Variants in TTC39B observed in about 807,000 individuals in gnomAD.
The protein encoded by TTC39B is tetratricopeptide repeat domain 39B.
TTC39B carries 92 observed loss-of-function variants against 96.6 expected under a neutral mutation model. That is an observed-to-expected ratio of 0.95 (90% CI 0.80 to 1.13). The LOEUF is 1.13. Among genes scored for constraint, TTC39B ranks in the 50% most tolerant of loss-of-function variants. The pLI is 0.00. For synonymous variants in TTC39B, 367 were observed against 299.4 expected (o/e 1.23, Z -2.33); for missense variants, 955 against 809.3 (o/e 1.18, Z -2.18).
intron 1 of TTC39B, among the ~76,000 whole-genome samples, chr9:15,285,784 G>A (rs1231385854): frequency 2.0e-5 from 3 of 152,116 alleles, no homozygotes; most frequent in Non-Finnish European, 2.9e-5. Flanking sequence ...GAACCCGGGA[G>A]GCGGAGCTTG....
In TTC39B at chr9:15,194,687, C is replaced by T. The variant is rs1178018992; in HGVS notation, c.825-1992G>A. On this transcript the variant is annotated intron_variant, in intron 8 of 19. Transcript: ENST00000512701. ...TTCAGGGTCACATTTCAGTAATTCT[C>T]ATAAAATTTCCAAACTTTTTAGTTA... 3.3e-5 allele frequency among the ~76,000 whole-genome samples: 5 copies of T among 152,214 alleles called. No homozygotes were observed. The East Asian group carries it at 9.6e-4, about 29-fold the overall frequency.
In TTC39B at chr9:15,194,965, C is replaced by T. The variant is rs140232546; in HGVS notation, c.825-2270G>A. ...CTACAGTGGCCTCTCAGTGTTCAAG[C>T]GAAAGGAAGATTCGCACCTCTCATT... is the stretch of plus-strand genomic sequence containing the variant. On this transcript the variant is annotated intron_variant, in intron 8 of 19. Transcript: ENST00000512701. Among the ~76,000 whole-genome samples, 439 of 152,148 alleles carry T rather than the reference C, an allele frequency of 2.9e-3. 1 individual carries two copies. Among genetic ancestry groups the T allele is most frequent in the African/African-American group, 9.9e-3 (411 of 41,520 alleles).
intron 19 of TTC39B, 81 bp from the exon 20 acceptor site, chr9:15,172,190 A>T: frequency 1.1e-6 from 1 of 922,840 alleles, no homozygotes; most frequent in Non-Finnish European, 1.7e-6. Flanking sequence ...CCTCTCTCTG[A>T]TCTACTTACT....
intron 2 of TTC39B, among the ~76,000 whole-genome samples, chr9:15,236,761 T>A (rs1452826182): frequency 6.6e-6 from 1 of 152,076 alleles, no homozygotes; most frequent in Non-Finnish European, 1.5e-5. Flanking sequence ...AATAAAAAAA[T>A]TCTTTTAAAT....
intron 6 of TTC39B, among the ~76,000 whole-genome samples, chr9:15,206,562 G>T (rs1484706256): frequency 1.3e-5 from 2 of 152,102 alleles, no homozygotes; most frequent in Non-Finnish European, 2.9e-5. Context: ...CTTATGAGTA[G>T]GTAACTACCA....
chr9:15,239,335 A>G (rs1325111756), intron 2 of TTC39B, among the ~76,000 whole-genome samples: 1 of 152,224 alleles, frequency 6.6e-6, no homozygotes, highest in African/African-American at 2.4e-5. Flanking sequence ...CGTTGCTTCA[A>G]CCTCTATGGA....
At chr9:15,188,025 C>A (rs1235095254) in exon 14 of TTC39B, 8 of 1,612,620 alleles carry the variant, frequency 5.0e-6, no homozygotes, top group Non-Finnish European at 6.8e-6. Context: ...ATGCCTGCAT[C>A]CAGTTTTGTT....
intron 1 of TTC39B, among the ~76,000 whole-genome samples, chr9:15,287,945 C>CAAAAAAAA (rs762069142): frequency 2.9e-5 from 2 of 68,970 alleles, no homozygotes; most frequent in Admixed American, 2.0e-4. Flanking sequence ...GACTCCATCT[C>CAAAAAAAA]AAAAAAAAAA....
intron 3 of TTC39B, 63 bp from the exon 4 acceptor site, chr9:15,214,312 G>C (rs1820378772): frequency 5.1e-6 from 6 of 1,178,524 alleles, no homozygotes; most frequent in African/African-American, 1.6e-5. Context: ...GTTGTCCGAA[G>C]GGAGTGTGTG....
chr9:15,228,330 G>C (rs1435644325), intron 2 of TTC39B, among the ~76,000 whole-genome samples: 3 of 152,212 alleles, frequency 2.0e-5, no homozygotes, highest in African/African-American at 7.2e-5. Flanking sequence ...CAGGCGTGGT[G>C]GTGGGTGCCT....
At chr9:15,261,800 A>G (rs1023113450) in intron 2 of TTC39B, among the ~76,000 whole-genome samples, 2 of 152,170 alleles carry the variant, frequency 1.3e-5, no homozygotes, top group African/African-American at 4.8e-5. Context: ...TACTCTTCAC[A>G]TGCCATATCA....
At chr9:15,225,616 T>C (rs771082963) in intron 3 of TTC39B, among the ~76,000 whole-genome samples, 1 of 152,182 alleles carries the variant, frequency 6.6e-6, no homozygotes, top group Non-Finnish European at 1.5e-5. Context: ...TGATTTATTA[T>C]TTTATAATAA....
rs1196964690 is a variant in TTC39B at position 15,194,103 on chromosome 9, T to C, written c.825-1408A>G. On this transcript the variant is annotated intron_variant, in intron 8 of 19. Transcript: ENST00000512701. ...ATAATTGTACTGTGCTTCTGCAAAA[T>C]ATTAATATTTGTAAATCTGAGTGAC... Among the ~76,000 whole-genome samples, 6 of 152,310 alleles carry C rather than the reference T, an allele frequency of 3.9e-5. No homozygotes were observed. In the East Asian group the frequency reaches 1.2e-3, roughly 29 times the overall value.
chr9:15,210,080 A>C lies in TTC39B; in HGVS notation c.691+8T>G. On this transcript the variant is annotated splice_region_variant and intron_variant, in intron 6 of 19. Coordinates refer to ENST00000512701, the Ensembl canonical transcript of TTC39B. ...AAGGAAAAAAGTGATCTTTTAAATG[A>C]CTTTTACCTTCACTCAGTTGCTCCA... 1.3e-6 allele frequency: 2 copies of C among 1,583,826 alleles called. No individual in the cohort carries two copies. Among genetic ancestry groups the C allele is most frequent in the Non-Finnish European group, 1.7e-6 (2 of 1,163,982 alleles).
At chr9:15,244,273 A>G (rs1822174642) in intron 2 of TTC39B, among the ~76,000 whole-genome samples, 1 of 152,218 alleles carries the variant, frequency 6.6e-6, no homozygotes, top group Admixed American at 6.5e-5. Flanking sequence ...TACCTAATCT[A>G]TGAATTATCC....
intron 7 of TTC39B, 67 bp from the exon 8 acceptor site, chr9:15,199,992 G>T: frequency 3.5e-6 from 3 of 851,098 alleles, no homozygotes; most frequent in Non-Finnish European, 5.4e-6. Context: ...CCACAGTTGT[G>T]TGTTTGTGTG....
chr9:15,248,522 C>T (rs1393988186), intron 2 of TTC39B, among the ~76,000 whole-genome samples: 1 of 152,078 alleles, frequency 6.6e-6, no homozygotes, highest in Non-Finnish European at 1.5e-5. Flanking sequence ...AATATCTGCT[C>T]CATGAGGGAA....
chr9:15,190,567 G>A (rs1818797380), exon 11 of TTC39B: 1 of 1,613,430 alleles, frequency 6.2e-7, no homozygotes, highest in Non-Finnish European at 8.5e-7. Context: ...GTATTAGGGA[G>A]ATGTAAGTAT....
At chr9:15,263,808 C>T (rs893947220) in intron 2 of TTC39B, among the ~76,000 whole-genome samples, 5 of 152,108 alleles carry the variant, frequency 3.3e-5, no homozygotes, top group Admixed American at 2.0e-4. Flanking sequence ...AGAAGGGTTC[C>T]TATAATGTGT....
Sources: gnomAD v4.1 joint callset for allele counts (sites outside exome capture counted in the v4.1 genomes callset) on GRCh38, gnomAD v4.1.1 for gene constraint, MANE v1.5 for transcripts, NCBI Gene and HGNC (gene_info 2026-07-23, HGNC 2026-07-21) for gene names.